Variants in OPRM1 observed in about 807,000 individuals in gnomAD.
OPRM1 encodes opioid receptor mu 1, also known as mu-type opioid receptor.
OPRM1 carries 27 observed loss-of-function variants against 31.8 expected under a neutral mutation model. That is an observed-to-expected ratio of 0.85 (90% CI 0.63 to 1.17). The LOEUF is 1.17. OPRM1 is among the 50% of genes most tolerant of loss of function. The pLI, the probability that OPRM1 is intolerant of heterozygous loss-of-function variation, is 0.00. For missense variants in OPRM1, 536 were observed against 511.1 expected (o/e 1.05, Z -0.47); for synonymous variants, 196 against 189.9 (o/e 1.03, Z -0.26).
chr6:154,209,764 A>G (rs1015793696), intron 3 of OPRM1, among the ~76,000 whole-genome samples: 7 of 152,192 alleles, frequency 4.6e-5, no homozygotes, highest in African/African-American at 1.7e-4. Flanking sequence ...GAAGAAAACA[A>G]AAACAAAATC....
chr6:154,012,318 A>G (rs1777772686), intron 1 of OPRM1, among the ~76,000 whole-genome samples: 1 of 152,204 alleles, frequency 6.6e-6, no homozygotes, highest in Non-Finnish European at 1.5e-5. Flanking sequence ...TTTAATCCTC[A>G]GAAAGTAGCA....
At chr6:154,075,964 A>C (rs1037536738) in intron 1 of OPRM1, among the ~76,000 whole-genome samples, 2 of 152,200 alleles carry the variant, frequency 1.3e-5, no homozygotes, top group Non-Finnish European at 2.9e-5. Flanking sequence ...ACTTAGTGCA[A>C]TACTTGGCAT....
intron 1 of OPRM1, among the ~76,000 whole-genome samples, chr6:154,079,133 T>G (rs1209452126): frequency 6.6e-6 from 1 of 152,102 alleles, no homozygotes; most frequent in Non-Finnish European, 1.5e-5. Flanking sequence ...GAAAAACTCT[T>G]TATGGGGAAA....
chr6:154,152,763 T>C (rs1289381977), intron 3 of OPRM1, among the ~76,000 whole-genome samples: 2 of 152,204 alleles, frequency 1.3e-5, no homozygotes, highest in African/African-American at 4.8e-5. Flanking sequence ...CAGGTCTTGT[T>C]CTGTCACCCA....
chr6:154,036,305 G>T (rs1779293570), upstream of OPRM1, among the ~76,000 whole-genome samples: 1 of 151,942 alleles, frequency 6.6e-6, no homozygotes, highest in South Asian at 2.1e-4. Context: ...AAGATACCAA[G>T]ATATAAATGT....
intron 3 of OPRM1, among the ~76,000 whole-genome samples, chr6:154,211,592 T>C (rs1777969735): frequency 6.6e-6 from 1 of 152,132 alleles, no homozygotes; most frequent in African/African-American, 2.4e-5. Flanking sequence ...TAGGAAACAA[T>C]TTTTGAAACC....
At chr6:154,102,005 G>A (rs1331577765) in intron 3 of OPRM1, among the ~76,000 whole-genome samples, 2 of 152,098 alleles carry the variant, frequency 1.3e-5, no homozygotes, top group Non-Finnish European at 2.9e-5. Context: ...CGTGGCACCA[G>A]CTCAGCTCCC....
chr6:154,175,386 CT>C (rs149218711), intron 3 of OPRM1, among the ~76,000 whole-genome samples: 314 of 143,218 alleles, frequency 2.2e-3, no homozygotes, highest in African/African-American at 5.7e-3. Flanking sequence ...AATCCAGGAG[CT>C]TTTTTTTTTT....
At chr6:154,018,151 G>T (rs1778120982) in intron 1 of OPRM1, among the ~76,000 whole-genome samples, 1 of 152,180 alleles carries the variant, frequency 6.6e-6, no homozygotes, top group Non-Finnish European at 1.5e-5. Flanking sequence ...AGGCACTGTG[G>T]CTCATGCCTG....
At chr6:154,204,165 A>T (rs2128596231) in intron 3 of OPRM1, among the ~76,000 whole-genome samples, 1 of 152,262 alleles carries the variant, frequency 6.6e-6, no homozygotes, top group East Asian at 1.9e-4. Context: ...GATTTTTCCT[A>T]TTTTCTGTAT....
At chr6:154,065,049 A>G (rs925270171) in intron 1 of OPRM1, among the ~76,000 whole-genome samples, 19 of 152,106 alleles carry the variant, frequency 1.2e-4, no homozygotes, top group African/African-American at 4.3e-4. Flanking sequence ...TTTGGTAAAG[A>G]TTGCATTGAA....
At chr6:154,137,797 C>T (rs1228622541) in intron 3 of OPRM1, among the ~76,000 whole-genome samples, 1 of 152,060 alleles carries the variant, frequency 6.6e-6, no homozygotes, top group African/African-American at 2.4e-5. Context: ...AGTATGAAAT[C>T]GAAATCAATG....
intron 3 of OPRM1, among the ~76,000 whole-genome samples, chr6:154,240,340 A>C (rs1371817865): frequency 6.6e-6 from 1 of 152,252 alleles, no homozygotes; most frequent in Non-Finnish European, 1.5e-5. Flanking sequence ...TGGGGGAGAA[A>C]GAATATAATA....
intron 3 of OPRM1, chr6:154,167,854 T>A: frequency 8.3e-7 from 1 of 1,212,074 alleles, no homozygotes; most frequent in Non-Finnish European, 1.2e-6. Flanking sequence ...CAAGAATCTC[T>A]CTGCAGAACC....
chr6:154,053,336 C>G (rs1386619069), intron 1 of OPRM1, among the ~76,000 whole-genome samples: 2 of 152,344 alleles, frequency 1.3e-5, no homozygotes, highest in Admixed American at 1.3e-4. Context: ...ACACCTGCCA[C>G]CCTGCACCCA....
intron 3 of OPRM1, among the ~76,000 whole-genome samples, chr6:154,151,485 G>A (rs1798497514): frequency 6.6e-6 from 1 of 152,166 alleles, no homozygotes; most frequent in South Asian, 2.1e-4. Context: ...GTTGGGGATG[G>A]GGAGCATAAC....
At chr6:154,195,829 T>C (rs552633247) in intron 3 of OPRM1, among the ~76,000 whole-genome samples, 1 of 150,846 alleles carries the variant, frequency 6.6e-6, no homozygotes, top group South Asian at 2.1e-4. Flanking sequence ...TCTTGCTCTG[T>C]CACCCAGGCT....
chr6:154,194,821 A>G (rs1057236762), intron 3 of OPRM1, among the ~76,000 whole-genome samples: 4 of 152,318 alleles, frequency 2.6e-5, no homozygotes, highest in South Asian at 4.1e-4. Context: ...AGGATCAGAG[A>G]AAGCAGGTGG....
downstream of OPRM1, among the ~76,000 whole-genome samples, chr6:154,133,409 T>A (rs1797981150): frequency 6.6e-6 from 1 of 152,240 alleles, no homozygotes; most frequent in Non-Finnish European, 1.5e-5. Flanking sequence ...TGTGAACATG[T>A]CACAATTTAT....
Sources: gnomAD v4.1 joint callset for allele counts (sites outside exome capture counted in the v4.1 genomes callset) on GRCh38, gnomAD v4.1.1 for gene constraint, MANE v1.5 for transcripts, NCBI Gene and HGNC (gene_info 2026-07-23, HGNC 2026-07-21) for gene names.